The following ACAD10 variants were observed in gnomAD, a reference collection of about 807,000 sequenced individuals.
ACAD10 encodes ACAD-10.
ACAD10 carries 112 observed loss-of-function variants against 116.8 expected under a neutral mutation model. The observed-to-expected ratio is 0.96, with a 90% CI of 0.82 to 1.12. The LOEUF (loss-of-function observed/expected upper bound fraction) is 1.12, where lower values mean the gene tolerates loss of function less well. ACAD10 is among the 50% of genes most tolerant of loss of function. ACAD10 has a pLI of 0.00. For missense variants in ACAD10, 1,259 were observed against 1,350.2 expected (o/e 0.93, Z 1.06); for synonymous variants, 486 against 510.6 (o/e 0.95, Z 0.65).
Position 111,747,315 on chromosome 12 carries a change from C to A in ACAD10, c.2415C>A (p.Thr805=), listed in dbSNP as rs780100055. ...TEPQVASSDA[T]NIEASIREED... is the part of the protein sequence containing the mutation. Reference sequence around the variant, plus strand: ...CTCAGGTTGCCTCTTCAGATGCCACCAACATTGAGGCTTCCATCAGAGAGG... The same window carrying A: ...CTCAGGTTGCCTCTTCAGATGCCACAAACATTGAGGCTTCCATCAGAGAGG... Residue 805 remains threonine, a synonymous_variant, in exon 16 of 21, where the codon ACC becomes ACA. Coordinates refer to ENST00000313698, the MANE Select transcript of ACAD10 (RefSeq NM_025247.6). 7 of 1,614,150 alleles carry A rather than the reference C, an allele frequency of 4.3e-6. No homozygotes were observed. The South Asian group carries it at 6.6e-5, about 15-fold the overall frequency.
In ACAD10 at chr12:111,747,741, A is replaced by C. The variant is rs543118899; in HGVS notation, c.2485+356A>C. On this transcript the variant is annotated intron_variant, in intron 16 of 20. Transcript: ENST00000313698. Reference sequence around the variant, plus strand: ...CCTCGATCAGGTGTGTTACATCCTAAGGGCTAATGACAATCCTGACTTTTA... The same window carrying C: ...CCTCGATCAGGTGTGTTACATCCTACGGGCTAATGACAATCCTGACTTTTA... The C allele has an allele frequency of 2.8e-6, 3 of 1,088,744 alleles. No individual in the cohort carries two copies. The African/African-American group carries it at 4.9e-5, about 18-fold the overall frequency. 67.4% of individuals were successfully genotyped at this position (1,088,744 alleles called of 1,614,324 possible).
chr12:111,720,234 A>G (rs1400252868), intron 7 of ACAD10, among the ~76,000 whole-genome samples: 1 of 152,178 alleles, frequency 6.6e-6, no homozygotes, highest in African/African-American at 2.4e-5. Context: ...CTTGGCGAAC[A>G]TATTGTGTTT....
In ACAD10 at chr12:111,736,959, C is replaced by T. The variant is rs1386418582; in HGVS notation, c.1669C>T (p.Arg557Cys). ...CTTCTATATGGCTTTTTCCTTTTTCCGTGTGGCTGCAATCCTACAGGGAGT... is the reference window on the plus strand; with the variant it reads ...CTTCTATATGGCTTTTTCCTTTTTCTGTGTGGCTGCAATCCTACAGGGAGT... ...WNFYMAFSFF[R>C]VAAILQGVYK... The change falls in exon 12 of 21, where the codon CGT becomes TGT. Residue 557 changes from arginine to cysteine, a missense_variant. By Grantham distance (180) the Arg-to-Cys change is radical. Transcript: ENST00000313698. The T allele has an allele frequency of 7.4e-6, 12 of 1,613,796 alleles. No individual in the cohort carries two copies. The highest frequency in any genetic ancestry group is 1.3e-5 in the African/African-American group (1 of 74,860).
At chr12:111,708,343 C>G (rs893672503) in intron 4 of ACAD10, among the ~76,000 whole-genome samples, 4 of 152,198 alleles carry the variant, frequency 2.6e-5, no homozygotes, top group African/African-American at 9.6e-5. Flanking sequence ...TCCCTCCACT[C>G]TCCTAGCTCT....
intron 1 of ACAD10, chr12:111,688,086 C>G (rs1460404397): frequency 6.6e-6 from 1 of 152,112 alleles, no homozygotes; most frequent in Non-Finnish European, 1.5e-5. Flanking sequence ...AGACTTGTCT[C>G]GAACTCCTGA....
intron 18 of ACAD10, among the ~76,000 whole-genome samples, chr12:111,751,313 T>C (rs1227388118): frequency 6.6e-6 from 1 of 152,004 alleles, no homozygotes; most frequent in African/African-American, 2.4e-5. Context: ...TACACTTAAA[T>C]TTAAAAAAAA....
chr12:111,751,825 G>A (rs185726590), intron 18 of ACAD10, among the ~76,000 whole-genome samples: 169 of 152,124 alleles, frequency 1.1e-3, no homozygotes, highest in African/African-American at 3.9e-3. Flanking sequence ...TTGGGAGGCC[G>A]AGGTGGGCAG....
chr12:111,729,772 A>G, intron 9 of ACAD10, 34 bp from the exon 10 acceptor site: 3 of 1,597,868 alleles, frequency 1.9e-6, no homozygotes, highest in Non-Finnish European at 2.6e-6. Flanking sequence ...GGTTGCTGAA[A>G]TTGCACACCA....
chr12:111,749,092 A>G lies in ACAD10; in HGVS notation c.2645-81A>G. 3 of 1,613,674 alleles carry G rather than the reference A, an allele frequency of 1.9e-6. No individual in the cohort carries two copies. In the Admixed American group the frequency reaches 5.0e-5, roughly 27 times the overall value. ...AGGGCAGGGACATTGCCAGCAGATA[A>G]CCCAGACTGAGGTGAGGAATAAACA... On this transcript the variant is annotated intron_variant, in intron 17 of 20. Transcript: ENST00000313698.
intron 12 of ACAD10, among the ~76,000 whole-genome samples, chr12:111,743,238 CAT>C (rs759845685): frequency 6.6e-6 from 1 of 151,822 alleles, no homozygotes; most frequent in South Asian, 2.1e-4. Flanking sequence ...TGCTGAGTGA[CAT>C]ATGTATTTAT....
chr12:111,692,061 C>T (rs556146787), intron 1 of ACAD10, among the ~76,000 whole-genome samples: 1 of 152,200 alleles, frequency 6.6e-6, no homozygotes, highest in Non-Finnish European at 1.5e-5. Flanking sequence ...CTCTGCCTCC[C>T]GGGTTCAAGC....
At chr12:111,723,695 C>T (rs1301314135) in intron 8 of ACAD10, among the ~76,000 whole-genome samples, 104 of 139,898 alleles carry the variant, frequency 7.4e-4, no homozygotes, top group African/African-American at 2.7e-3. Context: ...CCCCCCCCCC[C>T]ACCTCCCTCC....
intron 2 of ACAD10, among the ~76,000 whole-genome samples, chr12:111,694,552 GA>G (rs764435272): frequency 6.6e-6 from 1 of 152,090 alleles, no homozygotes; most frequent in Non-Finnish European, 1.5e-5. Context: ...TCACTGGACA[GA>G]AAGTTTCTTG....
rs909795660 is a variant in ACAD10 at position 111,738,086 on chromosome 12, A to G, written c.1714+1082A>G. Among the ~76,000 whole-genome samples the G allele has an allele frequency of 6.6e-5, 10 of 151,782 alleles. No homozygotes were observed. In the South Asian group the frequency reaches 1.9e-3, roughly 29 times the overall value. On this transcript the variant is annotated intron_variant, in intron 12 of 20. Transcript: ENST00000313698. ...TGGCCAGGCTGGTTTCGAACTCCTG[A>G]CCTCAGATGATCCATCCACCTCGGC...
chr12:111,710,248 C>T (rs1330503964), intron 5 of ACAD10: 5 of 451,972 alleles, frequency 1.1e-5, no homozygotes, highest in Admixed American at 2.4e-5. Flanking sequence ...CCACCACACC[C>T]GACTAATTTT....
Position 111,715,921 on chromosome 12 carries a change from GAC to G in ACAD10, c.954_955del (p.Leu319ProfsTer26). The G allele has an allele frequency of 6.2e-7, 1 of 1,614,092 alleles. No homozygotes were observed. Among genetic ancestry groups the G allele is most frequent in the East Asian group, 2.2e-5 (1 of 44,880 alleles). ...DLVLRKKPPG[T>X]LLPSAHAIER... ...TAGTTCTGAGGAAGAAGCCCCCAGGGACACTCCTTCCATCTGCCCATGCCATA... is the reference window on the plus strand; with the variant it reads ...TAGTTCTGAGGAAGAAGCCCCCAGGGACTCCTTCCATCTGCCCATGCCATA... On this transcript the variant is annotated frameshift_variant, in exon 7 of 21. Coordinates refer to ENST00000313698, the MANE Select transcript of ACAD10 (RefSeq NM_025247.6). LOFTEE classifies it high-confidence loss of function.
intron 1 of ACAD10, among the ~76,000 whole-genome samples, 191 bp from the exon 2 acceptor site, chr12:111,692,506 C>T (rs1472421266): frequency 2.0e-5 from 3 of 152,104 alleles, no homozygotes; most frequent in East Asian, 1.9e-4. Flanking sequence ...CTTGGGCAGC[C>T]GAGTGGGCGA....
intron 9 of ACAD10, among the ~76,000 whole-genome samples, chr12:111,728,382 A>G (rs898757417): frequency 6.7e-6 from 1 of 148,180 alleles, no homozygotes; most frequent in East Asian, 2.0e-4. Flanking sequence ...TTTTTTTTTC[A>G]TTTTTTCTTT....
chr12:111,709,611 C>CT lies in ACAD10; in HGVS notation c.618dup (p.Glu207Ter), dbSNP rs774228278. The CT allele has an allele frequency of 2.5e-6, 4 of 1,614,132 alleles. No homozygotes were observed. The South Asian group carries it at 4.4e-5, about 18-fold the overall frequency. ...TTGGAGCAGCTCGGCCTGCAGCCCT[C>CT]TGAGTCCATCTTTCTTGATGACCTT... On this transcript the variant is annotated frameshift_variant, in exon 5 of 21. Transcript: ENST00000313698. LOFTEE classifies it high-confidence loss of function.
Sources: gnomAD v4.1 joint callset for allele counts (sites outside exome capture counted in the v4.1 genomes callset) on GRCh38, gnomAD v4.1.1 for gene constraint, MANE v1.5 for transcripts, NCBI Gene and HGNC (gene_info 2026-07-23, HGNC 2026-07-21) for gene names.